Variants in TENM2 observed in about 807,000 individuals in gnomAD.
TENM2 encodes the protein teneurin-2.
In TENM2, 52 loss-of-function variants were observed where a neutral mutation model predicts 245.2. That is an observed-to-expected ratio of 0.21 (90% confidence interval 0.17 to 0.27). The LOEUF (loss-of-function observed/expected upper bound fraction) is 0.27, where lower values mean the gene tolerates loss of function less well. Among genes scored for constraint, TENM2 ranks in the 10% least tolerant of loss-of-function variants. The pLI, the probability that TENM2 is intolerant of heterozygous loss-of-function variation, is 1.00. For synonymous variants in TENM2, 1,363 were observed against 1,438.9 expected, an observed-to-expected ratio of 0.95 and a Z score of 1.19; for missense variants, 3,046 against 3,666.8, an observed-to-expected ratio of 0.83 and a Z score of 4.37.
At chr5:168,148,916 TAGA>T (rs779880517) in intron 12 of TENM2, among the ~76,000 whole-genome samples, 9,250 of 144,132 alleles carry the variant, frequency 0.064, 306 homozygotes, top group Non-Finnish European at 0.076. Context: ...GATAGATAGA[TAGA>T]TTGATAGATA....
chr5:168,169,553 A>G (rs747062701), intron 13 of TENM2, among the ~76,000 whole-genome samples: 13 of 152,050 alleles, frequency 8.5e-5, no homozygotes, highest in Non-Finnish European at 1.8e-4. Flanking sequence ...CTCCCTCCCC[A>G]TCCCGTAGCC....
At chr5:167,391,647 A>G (rs10061767) in intron 2 of TENM2, among the ~76,000 whole-genome samples, 2 of 126,866 alleles carry the variant, frequency 1.6e-5, no homozygotes, top group Admixed American at 8.2e-5. Context: ...AAAAAAAAAA[A>G]GCACTCTCAA....
At chr5:167,868,154 G>A (rs1772489851) in intron 2 of TENM2, among the ~76,000 whole-genome samples, 2 of 152,198 alleles carry the variant, frequency 1.3e-5, no homozygotes, top group Non-Finnish European at 1.5e-5. Context: ...TGTGTTGTGG[G>A]AAGTTGTCCT....
chr5:167,194,462 C>T, the TENM2 span, among the ~76,000 whole-genome samples: 3 of 151,978 alleles, frequency 2.0e-5, no homozygotes, highest in African/African-American at 7.2e-5. Flanking sequence ...GCGAAATTAA[C>T]CTATCTTTAT....
At chr5:167,268,168 A>T in the TENM2 span, among the ~76,000 whole-genome samples, 1 of 152,212 alleles carries the variant, frequency 6.6e-6, no homozygotes, top group East Asian at 1.9e-4. Flanking sequence ...AAGTGGTATA[A>T]GAAAATAATT....
chr5:168,079,512 T>G (rs1170616890), intron 7 of TENM2, among the ~76,000 whole-genome samples: 1 of 152,200 alleles, frequency 6.6e-6, no homozygotes, highest in Non-Finnish European at 1.5e-5. Flanking sequence ...GTGTGCCAGT[T>G]TTCAGAGGAA....
chr5:168,123,627 C>T (rs533094822), intron 10 of TENM2, among the ~76,000 whole-genome samples: 2 of 152,288 alleles, frequency 1.3e-5, no homozygotes, highest in Non-Finnish European at 1.5e-5. Context: ...AGCTGTGCCC[C>T]CAGGTGATAG....
intron 1 of TENM2, among the ~76,000 whole-genome samples, chr5:167,342,507 C>CTT (rs35451881): frequency 0.11 from 6,042 of 54,288 alleles, 1,743 homozygotes; most frequent in Middle Eastern, 0.16. Flanking sequence ...TAAAGTTATT[C>CTT]TTTTTTTTTT....
intron 2 of TENM2, among the ~76,000 whole-genome samples, chr5:167,386,871 C>T (rs1761459029): frequency 6.6e-6 from 1 of 151,990 alleles, no homozygotes; most frequent in Non-Finnish European, 1.5e-5. Context: ...TTTTTATATA[C>T]CTATTTTTAT....
At chr5:167,215,317 T>C in the TENM2 span, among the ~76,000 whole-genome samples, 2 of 152,226 alleles carry the variant, frequency 1.3e-5, no homozygotes, top group African/African-American at 4.8e-5. Flanking sequence ...AGTTTTGATA[T>C]GTTTTCGAAA....
chr5:167,265,795 T>C, the TENM2 span, among the ~76,000 whole-genome samples: 21 of 152,202 alleles, frequency 1.4e-4, no homozygotes, highest in South Asian at 2.1e-4. Flanking sequence ...CGGTTCCAGC[T>C]ACCAGAAGAC....
the TENM2 span, among the ~76,000 whole-genome samples, chr5:166,989,955 T>C: frequency 2.6e-5 from 4 of 151,860 alleles, no homozygotes; most frequent in Non-Finnish European, 4.4e-5. Context: ...TAAAATGTTA[T>C]CTACTTGAAC....
rs751687373 is a variant in TENM2, at chr5:168,052,406, C to CCA, written c.1309+4870_1309+4871dup. On this transcript the variant is annotated intron_variant, in intron 6 of 28. Transcript: ENST00000518659. ...ACTCTGTGTCCATATATACACACAC[C>CCA]CACACACACACACATATATATGTGT... is the stretch of plus-strand genomic sequence containing the variant. Among the ~76,000 whole-genome samples the CCA allele has an allele frequency of 1.0e-4, 15 of 149,452 alleles. 1 individual carries two copies. Among genetic ancestry groups the CCA allele is most frequent in the Middle Eastern group, 3.4e-3 (1 of 290 alleles).
At chr5:167,132,570 G>A in the TENM2 span, among the ~76,000 whole-genome samples, 23 of 152,164 alleles carry the variant, frequency 1.5e-4, no homozygotes, top group African/African-American at 5.1e-4. Context: ...CCTTCACTTG[G>A]GAGGCACTAT....
intron 2 of TENM2, among the ~76,000 whole-genome samples, chr5:167,467,966 C>G (rs934414523): frequency 1.3e-5 from 2 of 152,076 alleles, no homozygotes; most frequent in African/African-American, 2.4e-5. Flanking sequence ...GACGAAGTTT[C>G]GCTCTTGTCG....
intron 1 of TENM2, among the ~76,000 whole-genome samples, chr5:167,293,012 T>C (rs1197910895): frequency 1.3e-5 from 2 of 152,086 alleles, no homozygotes. Context: ...TTGGATGAGC[T>C]AGAGTGGCAG....
chr5:168,104,128 T>C, intron 9 of TENM2, among the ~76,000 whole-genome samples: 1 of 152,100 alleles, frequency 6.6e-6, no homozygotes, highest in Non-Finnish European at 1.5e-5. Context: ...TCCCAGGTTC[T>C]AAGCGATTCT....
the TENM2 span, among the ~76,000 whole-genome samples, chr5:167,090,311 C>T: frequency 1.3e-5 from 2 of 150,390 alleles, no homozygotes; most frequent in African/African-American, 2.4e-5. Context: ...ATTCAGTCTC[C>T]CTAGCAACAG....
chr5:167,203,384 CT>C, the TENM2 span, among the ~76,000 whole-genome samples: 1 of 152,218 alleles, frequency 6.6e-6, no homozygotes, highest in Admixed American at 6.5e-5. Context: ...CACATACTCT[CT>C]CTGGAATCCC....
Sources: gnomAD v4.1 joint callset for allele counts (sites outside exome capture counted in the v4.1 genomes callset) on GRCh38, gnomAD v4.1.1 for gene constraint, MANE v1.5 for transcripts, NCBI Gene and HGNC (gene_info 2026-07-23, HGNC 2026-07-21) for gene names.